The following PLCB3 variants were observed in gnomAD, a reference collection of about 807,000 sequenced individuals.
PLCB3 encodes the protein phospholipase C beta 3.
A neutral mutation model predicts 152.1 loss-of-function variants in PLCB3; 54 were observed. That is an observed-to-expected ratio of 0.36 (90% CI 0.29 to 0.45). PLCB3 has a LOEUF of 0.45. PLCB3 is among the 20% of genes least tolerant of loss of function. PLCB3 has a pLI of 1.00. For missense variants in PLCB3, 1,248 were observed against 1,687.5 expected (o/e 0.74, Z 4.56); for synonymous variants, 717 against 698.7 (o/e 1.03, Z -0.41).
intron 2 of PLCB3, 70 bp from the exon 3 acceptor site, chr11:64,254,678 G>T: frequency 6.5e-7 from 1 of 1,542,008 alleles, no homozygotes; most frequent in South Asian, 1.1e-5. Context: ...GGCCTGGGTA[G>T]AGAGCTTGGA....
rs924060281 is a variant in PLCB3 at position 64,266,563 on chromosome 11, C to T, written c.3414+11C>T. ...AACTCCATCCGTCGGGTGAGTCAGG[C>T]TCCCGGGCCACCCTACCCCACCTCC... On this transcript the variant is annotated intron_variant, in intron 29 of 30. Transcript: ENST00000279230. This position sits in a 1 kb window ranked among gnomAD's most constrained non-coding sequence, Gnocchi z 4.9. 2 of 1,613,226 alleles carry T rather than the reference C, an allele frequency of 1.2e-6. No homozygotes were observed. Among genetic ancestry groups the T allele is most frequent in the South Asian group, 1.1e-5 (1 of 91,056 alleles).
Position 64,266,343 on chromosome 11 carries a change from G to T in PLCB3, c.3295G>T (p.Asp1099Tyr), listed in dbSNP as rs749911369. Residue 1099 changes from aspartate (D) to tyrosine (Y), a missense_variant, in exon 28 of 31, where the codon GAC becomes TAC. Physicochemically the swap from Asp to Tyr is radical, Grantham distance 160. Coordinates refer to ENST00000279230, the MANE Select transcript of PLCB3 (RefSeq NM_000932.5). The surrounding 1 kb of genome is among the most constrained non-coding windows in gnomAD (Gnocchi z 4.9). ...REKKELQKIL[D>Y]RKRHNSISEA... ...GAAGAAGGAGCTGCAGAAGATCCTG[G>T]ACAGAAAGCGCCATAACAGCATCTC... 1.2e-6 allele frequency: 2 copies of T among 1,613,322 alleles called. No homozygotes were observed. The highest frequency in any genetic ancestry group is 1.7e-6 in the Non-Finnish European group (2 of 1,179,816).
chr11:64,252,109 T>C (rs2031240882), intron 1 of PLCB3, among the ~76,000 whole-genome samples: 1 of 152,144 alleles, frequency 6.6e-6, no homozygotes, highest in African/African-American at 2.4e-5. Context: ...ACTCCCCGGC[T>C]GCAGGACCCT....
rs1240729673 is a variant in PLCB3 at position 64,255,571 on chromosome 11, G to A, written c.552G>A (p.Lys184=). The part of the protein sequence containing the change: ...NILKMFSADK[K]RVETALESCG... ...TGAAGATGTTCTCAGCAGACAAGAA[G>A]CGGGTGGAGACTGCGCTGGAATCCT... Residue 184 remains lysine, a synonymous_variant, in exon 7 of 31, where the codon AAG becomes AAA. Transcript: ENST00000279230. This position sits in a 1 kb window ranked among gnomAD's most constrained non-coding sequence, Gnocchi z 6.8. 1.9e-6 allele frequency: 3 copies of A among 1,613,934 alleles called. No homozygotes were observed. The South Asian group carries it at 3.3e-5, about 18-fold the overall frequency.
chr11:64,256,537 A>G lies in PLCB3; in HGVS notation c.860A>G (p.Glu287Gly). Reference sequence around the variant, plus strand: ...TATGAGCCCAACCAGCAGTTTCTGGAGCGAGGTGAGCTGGCTGGGGTGCAG... The same window carrying G: ...TATGAGCCCAACCAGCAGTTTCTGGGGCGAGGTGAGCTGGCTGGGGTGCAG... The part of the protein sequence containing the change: ...EKYEPNQQFL[E>G]RDQMSMEGFS... Residue 287 changes from glutamate (E) to glycine (G), a missense_variant, in exon 9 of 31, where the codon GAG becomes GGG. Around this residue, in one of 6 missense-constraint regions of PLCB3, gnomAD observed 299 missense variants for 434.7 expected, o/e 0.69. Transcript: ENST00000279230. 6.2e-7 allele frequency: 1 copy of G among 1,613,680 alleles called. No individual in the cohort carries two copies. Among genetic ancestry groups the G allele is most frequent in the Non-Finnish European group, 8.5e-7 (1 of 1,179,868 alleles).
Position 64,262,421 on chromosome 11 carries a change from C to T in PLCB3, c.2053C>T (p.Leu685Phe). 6.2e-7 allele frequency: 1 copy of T among 1,613,424 alleles called. No individual in the cohort carries two copies. Residue 685 changes from leucine (L) to phenylalanine (F), a missense_variant, in exon 18 of 31, where the codon CTC becomes TTC. Transcript: ENST00000279230. ...NFQTLDVAMQ[L>F]NAGVFEYNGR... ...TGGCACCCCAGATGTGGCGATGCAG[C>T]TCAACGCGGGCGTTTTTGAGTACAA...
Position 64,260,248 on chromosome 11 carries a change from G to A in PLCB3, c.1731+14G>A. The A allele has an allele frequency of 6.5e-7, 1 of 1,540,356 alleles. No individual in the cohort carries two copies. Among genetic ancestry groups the A allele is most frequent in the Non-Finnish European group, 8.8e-7 (1 of 1,139,504 alleles). On this transcript the variant is annotated intron_variant, in intron 14 of 30. Coordinates refer to ENST00000279230, the MANE Select transcript of PLCB3 (RefSeq NM_000932.5). ...ACTACAGATGAGGTCAGGCCCACAG[G>A]GTGGGCAGGTCGGGGAGGTAGCATC... is the stretch of plus-strand genomic sequence containing the variant.
Position 64,251,721 on chromosome 11 carries a change from C to T in PLCB3, c.72C>T (p.Arg24=). 6.7e-7 allele frequency: 1 copy of T among 1,482,870 alleles called. No individual in the cohort carries two copies. Among genetic ancestry groups the T allele is most frequent in the Non-Finnish European group, 9.0e-7 (1 of 1,114,266 alleles). 91.9% of individuals were successfully genotyped at this position (1,482,870 alleles called of 1,614,324 possible). The change falls in exon 1 of 31, where the codon CGC becomes CGT. Residue 24 remains arginine (R), a synonymous_variant. Coordinates refer to ENST00000279230, the MANE Select transcript of PLCB3 (RefSeq NM_000932.5). ...CCACCGTGGTGGAGACCCTGCGGCG[C>T]GGGAGTAAGTTCATCAAATGGGACG... ...EPPTVVETLR[R]GSKFIKWDEE...
chr11:64,263,437 G>A (rs550063617), intron 19 of PLCB3, 61 bp from the exon 20 acceptor site: 2 of 1,047,704 alleles, frequency 1.9e-6, no homozygotes, highest in African/African-American at 3.2e-5. Context: ...GGTTAGCTGT[G>A]GCCTGGTAGC....
chr11:64,262,508 C>T lies in PLCB3; in HGVS notation c.2140C>T (p.Pro714Ser). 1 of 1,614,018 alleles carries T rather than the reference C, an allele frequency of 6.2e-7. No individual in the cohort carries two copies. Among genetic ancestry groups the T allele is most frequent in the African/African-American group, 1.3e-5 (1 of 75,078 alleles). ...GCGGCGGCCGGACAAGTCCTTCGAC[C>T]CCTTCACTGAGGTCATCGTGGATGG... ...FMRRPDKSFD[P>S]FTEVIVDGIV... is the part of the protein sequence containing the mutation. Residue 714 changes from proline to serine, a missense_variant, in exon 18 of 31, where the codon CCC becomes TCC. Pro to Ser is a moderately conservative substitution (Grantham distance 74). Transcript: ENST00000279230.
chr11:64,265,049 C>T lies in PLCB3; in HGVS notation c.2751C>T (p.Pro917=). Residue 917 remains proline, a synonymous_variant, in exon 23 of 31, where the codon CCC becomes CCT. Coordinates refer to ENST00000279230, the MANE Select transcript of PLCB3 (RefSeq NM_000932.5). ...NPTPSPLDAS[P]RRPPGPTTSP... is the part of the protein sequence containing the mutation. ...CCCCCAGCCCACTGGATGCCTCCCC[C>T]CGCCGGCCCCCTGGCCCCACCACCT... The T allele has an allele frequency of 6.5e-7, 1 of 1,538,446 alleles. No homozygotes were observed. The highest frequency in any genetic ancestry group is 1.2e-5 in the South Asian group (1 of 84,538).
intron 25 of PLCB3, among the ~76,000 whole-genome samples, 181 bp downstream of exon 25, chr11:64,265,683 CTT>C (rs1020243643): frequency 6.6e-6 from 1 of 152,194 alleles, no homozygotes; most frequent in Non-Finnish European, 1.5e-5. Context: ...AGTGACATCT[CTT>C]TTGAAGTCCA....
At chr11:64,264,493 G>A (rs1024595926) in intron 22 of PLCB3, among the ~76,000 whole-genome samples, 7 of 152,234 alleles carry the variant, frequency 4.6e-5, no homozygotes, top group South Asian at 2.1e-4. Flanking sequence ...CAGGGCCTGC[G>A]GCAGGCGGGC....
At chr11:64,254,698 C>A in intron 2 of PLCB3, 50 bp from the exon 3 acceptor site, 1 of 1,583,948 alleles carries the variant, frequency 6.3e-7, no homozygotes, top group Non-Finnish European at 8.7e-7. Context: ...AAGCTCCTGG[C>A]TATTGCCCTG....
intron 1 of PLCB3, among the ~76,000 whole-genome samples, chr11:64,253,761 G>C (rs895119141): frequency 6.6e-6 from 1 of 152,196 alleles, no homozygotes; most frequent in Non-Finnish European, 1.5e-5. Context: ...GCTGTTTGAG[G>C]GAGGAAGAGC....
intron 22 of PLCB3, among the ~76,000 whole-genome samples, chr11:64,264,739 A>G (rs954569886): frequency 1.3e-5 from 2 of 152,102 alleles, no homozygotes; most frequent in Non-Finnish European, 2.9e-5. Flanking sequence ...GCATTATGTT[A>G]TCTTCCCCAC....
Position 64,256,899 on chromosome 11 carries a change from G to C in PLCB3, c.1012+135G>C. ...GTGCTGGGGATGCAGGCAGGGAACAGGCAGCCAGCCCTGAGCAGTGGGGCC... is the reference window on the plus strand; with the variant it reads ...GTGCTGGGGATGCAGGCAGGGAACACGCAGCCAGCCCTGAGCAGTGGGGCC... On this transcript the variant is annotated intron_variant, in intron 10 of 30. Coordinates refer to ENST00000279230, the MANE Select transcript of PLCB3 (RefSeq NM_000932.5). 6 of 989,210 alleles carry C rather than the reference G, an allele frequency of 6.1e-6. 1 individual carries two copies. In the South Asian group the frequency reaches 8.0e-5, roughly 13 times the overall value. 61.3% of individuals were successfully genotyped at this position (989,210 alleles called of 1,614,324 possible). A position where few individuals can be genotyped will look rare whatever the true frequency, so the allele number is the denominator to read the frequency against.
At chr11:64,259,649 C>T (rs1472568874) in intron 13 of PLCB3, among the ~76,000 whole-genome samples, 1 of 152,140 alleles carries the variant, frequency 6.6e-6, no homozygotes, top group Non-Finnish European at 1.5e-5. Context: ...TCACCCCTGA[C>T]TGTTCACCTC....
chr11:64,259,695 C>A (rs1314219016), intron 13 of PLCB3, among the ~76,000 whole-genome samples: 1 of 152,128 alleles, frequency 6.6e-6, no homozygotes, highest in Admixed American at 6.6e-5. Flanking sequence ...TCTGACTTAC[C>A]CCTGACCTGT....
Sources: gnomAD v4.1 joint callset for allele counts (sites outside exome capture counted in the v4.1 genomes callset) on GRCh38, gnomAD v4.1.1 for gene constraint, gnomAD v4.1.1 regional missense constraint, Gnocchi (gnomAD v3.1) non-coding constraint, MANE v1.5 for transcripts, NCBI Gene and HGNC (gene_info 2026-07-23, HGNC 2026-07-21) for gene names.